Variants in ARHGAP21 observed in about 807,000 individuals in gnomAD.
ARHGAP21 encodes rho GTPase-activating protein 21.
Under a neutral mutation model 164.6 loss-of-function variants are expected in ARHGAP21, and 38 were observed. The observed-to-expected ratio is 0.23, with a 90% CI of 0.18 to 0.30. The LOEUF is 0.30. Among genes scored for constraint, ARHGAP21 ranks in the 10% least tolerant of loss-of-function variants. ARHGAP21 has a pLI of 1.00. For missense variants in ARHGAP21, 1,822 were observed against 2,370.7 expected, an observed-to-expected ratio of 0.77 and a Z score of 4.81; for synonymous variants, 766 against 857.9, an observed-to-expected ratio of 0.89 and a Z score of 1.87.
At chr10:24,709,492 C>T (rs1319734217) in intron 2 of ARHGAP21, among the ~76,000 whole-genome samples, 1 of 152,126 alleles carries the variant, frequency 6.6e-6, no homozygotes, top group Admixed American at 6.6e-5. Context: ...AATCCCCGCA[C>T]TTTGGGAGGC....
intron 2 of ARHGAP21, among the ~76,000 whole-genome samples, chr10:24,675,330 A>C (rs1260281459): frequency 6.6e-6 from 1 of 152,220 alleles, no homozygotes; most frequent in African/African-American, 2.4e-5. Flanking sequence ...GAGGAGAAGG[A>C]GTACATACTG....
chr10:24,707,758 A>C (rs761288091), intron 2 of ARHGAP21, among the ~76,000 whole-genome samples: 1 of 152,052 alleles, frequency 6.6e-6, no homozygotes, highest in Non-Finnish European at 1.5e-5. Flanking sequence ...CAAAACATAT[A>C]ATGAACTGTC....
intron 9 of ARHGAP21, among the ~76,000 whole-genome samples, chr10:24,614,074 A>G (rs796817976): frequency 2.6e-4 from 39 of 152,352 alleles, no homozygotes; most frequent in African/African-American, 8.7e-4. Context: ...AATTTAATAA[A>G]TATCAGCTCA....
At chr10:24,717,314 T>C (rs745406201) in intron 2 of ARHGAP21, among the ~76,000 whole-genome samples, 6 of 152,194 alleles carry the variant, frequency 3.9e-5, no homozygotes, top group Admixed American at 6.5e-5. Context: ...CATTTATTCA[T>C]TCAAAAAATA....
At chr10:24,595,669 T>G in intron 19 of ARHGAP21, 48 bp downstream of exon 19, 3 of 1,547,340 alleles carry the variant, frequency 1.9e-6, no homozygotes, top group Non-Finnish European at 2.7e-6. Flanking sequence ...GTTTTCCAAT[T>G]GTAACTTGAA....
rs963497533 is a variant in ARHGAP21, at chr10:24,622,826, CA to C, written c.496-65del. The C allele has an allele frequency of 4.9e-5, 74 of 1,519,074 alleles. No homozygotes were observed. In the Admixed American group the frequency reaches 1.4e-3, roughly 29 times the overall value. The allele number at this position is 1,519,074 out of a possible 1,614,324, so 94.1% of individuals were successfully genotyped here. On this transcript the variant is annotated intron_variant, in intron 7 of 25. Transcript: ENST00000396432. The stretch of plus-strand genomic sequence containing the variant: ...TGATATAAAGACAAAATCATGTTGT[CA>C]TATTGATGCTGGAAACGGCAAGCTA...
At chr10:24,661,276 T>C (rs1593208068) in intron 4 of ARHGAP21, among the ~76,000 whole-genome samples, 1 of 151,442 alleles carries the variant, frequency 6.6e-6, no homozygotes, top group South Asian at 2.1e-4. Flanking sequence ...CTTTTTCTTA[T>C]AAAAAATCTG....
At chr10:24,614,745 T>C (rs1272312313) in intron 9 of ARHGAP21, among the ~76,000 whole-genome samples, 1 of 140,110 alleles carries the variant, frequency 7.1e-6, no homozygotes, top group East Asian at 2.1e-4. Context: ...ATCATGCCAC[T>C]GCACTCCAGG....
At chr10:24,648,524 A>G (rs1331216784) in intron 4 of ARHGAP21, among the ~76,000 whole-genome samples, 2 of 152,200 alleles carry the variant, frequency 1.3e-5, no homozygotes, top group African/African-American at 4.8e-5. Context: ...TCACGCCTAT[A>G]ATCCCAGCAC....
chr10:24,705,150 G>C (rs1844109599), intron 2 of ARHGAP21, among the ~76,000 whole-genome samples: 1 of 152,196 alleles, frequency 6.6e-6, no homozygotes, highest in African/African-American at 2.4e-5. Context: ...GTTTTCTGAT[G>C]ATGAGACTAA....
At chr10:24,605,377 A>G (rs1347939062) in intron 11 of ARHGAP21, among the ~76,000 whole-genome samples, 2 of 152,226 alleles carry the variant, frequency 1.3e-5, no homozygotes, top group African/African-American at 2.4e-5. Context: ...CAGTCCTGCC[A>G]TCTTTGCAGG....
intron 2 of ARHGAP21, among the ~76,000 whole-genome samples, chr10:24,715,317 TC>T (rs1845261894): frequency 6.6e-6 from 1 of 152,232 alleles, no homozygotes; most frequent in Non-Finnish European, 1.5e-5. Flanking sequence ...ATGTTTGTGA[TC>T]TTTTTTTAAC....
chr10:24,589,158 T>C (rs1354439586), intron 25 of ARHGAP21, 113 bp downstream of exon 25: 3 of 906,004 alleles, frequency 3.3e-6, no homozygotes, highest in African/African-American at 3.4e-5. Flanking sequence ...TGATTATACT[T>C]TGTTGCTCTG....
chr10:24,586,391 A>G (rs909325323), intron 25 of ARHGAP21, among the ~76,000 whole-genome samples: 2 of 152,144 alleles, frequency 1.3e-5, no homozygotes, highest in Non-Finnish European at 2.9e-5. Flanking sequence ...GCTGATTCCT[A>G]TCAAAATCCC....
intron 2 of ARHGAP21, among the ~76,000 whole-genome samples, chr10:24,711,170 GAA>G (rs1252890902): frequency 2.7e-5 from 4 of 148,626 alleles, no homozygotes; most frequent in African/African-American, 9.9e-5. Context: ...AAAAGAGAAA[GAA>G]AGAGAGAAAG....
At chr10:24,644,243 C>A (rs993926605) in intron 4 of ARHGAP21, among the ~76,000 whole-genome samples, 2 of 152,146 alleles carry the variant, frequency 1.3e-5, no homozygotes, top group African/African-American at 4.8e-5. Context: ...AATCCCTAGT[C>A]TTCTCTCCAA....
At chr10:24,673,128 T>C (rs1432360329) in intron 2 of ARHGAP21, among the ~76,000 whole-genome samples, 1 of 152,226 alleles carries the variant, frequency 6.6e-6, no homozygotes, top group Non-Finnish European at 1.5e-5. Context: ...CCCAAAGTGA[T>C]CTATAAATCC....
chr10:24,674,271 C>A lies in ARHGAP21; in HGVS notation c.64-3874G>T, dbSNP rs533916377. ...CCAGGTAGCTGGGCACAGTGGCTCACACCTGTAATCCCAGCACTTTGGGAG... is the reference window on the plus strand; with the variant it reads ...CCAGGTAGCTGGGCACAGTGGCTCAAACCTGTAATCCCAGCACTTTGGGAG... On this transcript the variant is annotated intron_variant, in intron 2 of 25. Transcript: ENST00000396432. 1.3e-3 allele frequency among the ~76,000 whole-genome samples: 202 copies of A among 152,218 alleles called. 1 individual carries two copies. Among genetic ancestry groups the A allele is most frequent in the African/African-American group, 4.7e-3 (194 of 41,544 alleles).
chr10:24,643,852 G>A (rs2131466052), intron 4 of ARHGAP21, among the ~76,000 whole-genome samples: 2 of 152,244 alleles, frequency 1.3e-5, no homozygotes, highest in East Asian at 3.9e-4. Flanking sequence ...CCTCAAGGTT[G>A]CTGTTTCAAA....
Sources: gnomAD v4.1 joint callset for allele counts (sites outside exome capture counted in the v4.1 genomes callset) on GRCh38, gnomAD v4.1.1 for gene constraint, MANE v1.5 for transcripts, NCBI Gene and HGNC (gene_info 2026-07-23, HGNC 2026-07-21) for gene names.